AFF4: variants seen among roughly 807,000 people sequenced by gnomAD.
AFF4 encodes the protein ALF transcription elongation factor 4, also known as AF4/FMR2 family member 4.
AFF4 carries 13 observed loss-of-function variants against 124.8 expected under a neutral mutation model. That is an observed-to-expected ratio of 0.10 (90% CI 0.07 to 0.17). The LOEUF (loss-of-function observed/expected upper bound fraction) is 0.17, where lower values mean the gene tolerates loss of function less well. AFF4 is among the 10% of genes least tolerant of loss of function. The pLI, the probability that AFF4 is intolerant of heterozygous loss-of-function variation, is 1.00. For synonymous variants in AFF4, 477 were observed against 496.1 expected (o/e 0.96, Z 0.51); for missense variants, 1,092 against 1,403.8 (o/e 0.78, Z 3.55).
At chr5:132,925,405 A>G (rs1761148301) in intron 5 of AFF4, among the ~76,000 whole-genome samples, 2 of 152,008 alleles carry the variant, frequency 1.3e-5, no homozygotes, top group South Asian at 4.1e-4. Flanking sequence ...TTCTTTAACA[A>G]GACATTAAAA....
chr5:132,954,873 G>A (rs567228315), intron 1 of AFF4, among the ~76,000 whole-genome samples: 2 of 152,306 alleles, frequency 1.3e-5, no homozygotes, highest in African/African-American at 2.4e-5. Flanking sequence ...ATCATTTGCT[G>A]TCCACGGATG....
chr5:132,951,435 G>GT (rs1282848836), intron 1 of AFF4, among the ~76,000 whole-genome samples: 1 of 152,194 alleles, frequency 6.6e-6, no homozygotes, highest in Non-Finnish European at 1.5e-5. Flanking sequence ...AGGCTGCTGT[G>GT]TACTTCTCCT....
chr5:132,938,396 T>C (rs1247677048), intron 1 of AFF4, among the ~76,000 whole-genome samples: 2 of 151,534 alleles, frequency 1.3e-5, no homozygotes, highest in African/African-American at 4.9e-5. Context: ...GCCTCCTGAG[T>C]AGCTGGGATT....
In AFF4 at chr5:132,886,138, G is replaced by T. The variant is rs554918120; in HGVS notation, c.3099+172C>A. Among the ~76,000 whole-genome samples, 10 of 152,264 alleles carry T rather than the reference G, an allele frequency of 6.6e-5. No homozygotes were observed. In the South Asian group the frequency reaches 1.9e-3, roughly 28 times the overall value. ...CATGGCTATAAGAGTTCTACAATCA[G>T]ATACACGTAGATTAAAAAACTCAAA... On this transcript the variant is annotated intron_variant, in intron 18 of 20. Coordinates refer to ENST00000265343, the MANE Select transcript of AFF4 (RefSeq NM_014423.4).
At chr5:132,961,845 T>C (rs1762088230) in intron 1 of AFF4, among the ~76,000 whole-genome samples, 1 of 152,166 alleles carries the variant, frequency 6.6e-6, no homozygotes, top group Admixed American at 6.5e-5. Flanking sequence ...GCAAATTGAA[T>C]GAAACTGCTG....
At chr5:132,902,574 A>C in intron 6 of AFF4, 87 bp from the exon 7 acceptor site, 1 of 1,015,912 alleles carries the variant, frequency 9.8e-7, no homozygotes, top group South Asian at 1.3e-5. Flanking sequence ...AATAAATGTA[A>C]ATCAAACAAT....
At position 132,888,081 on chromosome 5, in the gene AFF4, G is replaced by T; in HGVS notation, c.2796+16C>A. 6.2e-7 allele frequency: 1 copy of T among 1,608,594 alleles called. No homozygotes were observed. ...ATTTGATTAAATACGTAAGTGTAAG[G>T]AGAATATCTACATACCAATGCATCT... On this transcript the variant is annotated intron_variant, in intron 15 of 20. Coordinates refer to ENST00000265343, the MANE Select transcript of AFF4 (RefSeq NM_014423.4).
chr5:132,876,372 G>C lies in AFF4; in HGVS notation c.*4687C>G, dbSNP rs1381586663. On this transcript the variant is annotated 3_prime_UTR_variant, in exon 21 of 21. Transcript: ENST00000265343. ...CATTTCCAAATTGATATTTTCCAGA[G>C]AGGAACATAGCAGGTAGAAAATTCC... is the stretch of plus-strand genomic sequence containing the variant. The C allele has an allele frequency of 4.4e-6, 1 of 228,264 alleles. No individual in the cohort carries two copies. Among genetic ancestry groups the C allele is most frequent in the Non-Finnish European group, 8.7e-6 (1 of 114,762 alleles). The allele number at this position is 228,264 out of a possible 1,614,324, so 14.1% of individuals were successfully genotyped here.
intron 12 of AFF4, among the ~76,000 whole-genome samples, chr5:132,892,810 A>G (rs1342782015): frequency 2.6e-5 from 4 of 152,254 alleles, no homozygotes. Flanking sequence ...CCCCTACCCC[A>G]ATAAAAAATG....
intron 13 of AFF4, among the ~76,000 whole-genome samples, chr5:132,891,031 T>A (rs1760243484): frequency 6.6e-6 from 1 of 151,344 alleles, no homozygotes; most frequent in Non-Finnish European, 1.5e-5. Flanking sequence ...TTAATTAAAT[T>A]AAATAATAAT....
intron 1 of AFF4, among the ~76,000 whole-genome samples, chr5:132,953,399 C>G (rs1360896182): frequency 6.6e-6 from 1 of 151,870 alleles, no homozygotes; most frequent in Admixed American, 6.6e-5. Flanking sequence ...TGACACCACA[C>G]CTGGGTAATT....
At chr5:132,885,249 C>CGT (rs3835017) in intron 18 of AFF4, 130 bp from the exon 19 acceptor site, 219 of 360,782 alleles carry the variant, frequency 6.1e-4, no homozygotes, top group African/African-American at 2.9e-3. Context: ...CACCAAAATA[C>CGT]GTGTGTGTGT....
At chr5:132,947,807 A>T (rs1761736587) in intron 1 of AFF4, among the ~76,000 whole-genome samples, 1 of 152,230 alleles carries the variant, frequency 6.6e-6, no homozygotes, top group African/African-American at 2.4e-5. Context: ...TTGTACACCT[A>T]CAGATCAAAG....
chr5:132,931,382 T>A (rs1052607392), intron 4 of AFF4, among the ~76,000 whole-genome samples: 6 of 152,126 alleles, frequency 3.9e-5, no homozygotes, highest in African/African-American at 1.4e-4. Flanking sequence ...TGAGCCTAGA[T>A]AATGCCACTG....
At chr5:132,926,202 G>T (rs368242278) in intron 5 of AFF4, 79 of 478,800 alleles carry the variant, frequency 1.6e-4, no homozygotes, top group Non-Finnish European at 3.0e-4. Context: ...ATATAAAAAA[G>T]ACTTGCAAAG....
chr5:132,888,671 G>C (rs540551910), intron 14 of AFF4, among the ~76,000 whole-genome samples: 1 of 151,974 alleles, frequency 6.6e-6, no homozygotes, highest in Non-Finnish European at 1.5e-5. Context: ...CAGATCATAC[G>C]TAAGTATATA....
At chr5:132,882,181 G>T in intron 20 of AFF4, among the ~76,000 whole-genome samples, 1 of 150,684 alleles carries the variant, frequency 6.6e-6, no homozygotes, top group East Asian at 2.0e-4. Context: ...CCACAGCCTG[G>T]GCAGCCTGGG....
At chr5:132,887,811 T>G in intron 16 of AFF4, 35 bp downstream of exon 16, 1 of 1,609,000 alleles carries the variant, frequency 6.2e-7, no homozygotes, top group East Asian at 2.2e-5. Flanking sequence ...AGAAATAATG[T>G]TATTGCCAAT....
At chr5:132,905,334 G>A (rs1202440452) in intron 5 of AFF4, among the ~76,000 whole-genome samples, 1 of 152,128 alleles carries the variant, frequency 6.6e-6, no homozygotes, top group Non-Finnish European at 1.5e-5. Context: ...TGCAAACTAT[G>A]CATTTCTCAA....
Sources: allele counts gnomAD v4.1 joint callset (sites outside exome capture counted in the v4.1 genomes callset), GRCh38; gene constraint gnomAD v4.1.1; transcripts MANE v1.5; gene names NCBI Gene and HGNC (gene_info 2026-07-23, HGNC 2026-07-21).